Variants in ARNT observed in about 807,000 individuals in gnomAD.
ARNT encodes class E basic helix-loop-helix protein 2.
Under a neutral mutation model 105.0 loss-of-function variants are expected in ARNT, and 30 were observed. That is an observed-to-expected ratio of 0.29 (90% CI 0.21 to 0.39). ARNT has a LOEUF of 0.39. Among genes scored for constraint, ARNT ranks in the 10% least tolerant of loss-of-function variants. The pLI, the probability that ARNT is intolerant of heterozygous loss-of-function variation, is 1.00. For missense variants in ARNT, 748 were observed against 978.7 expected (o/e 0.76, Z 3.15); for synonymous variants, 304 against 344.0 (o/e 0.88, Z 1.29).
intron 6 of ARNT, among the ~76,000 whole-genome samples, chr1:150,837,306 T>C (rs1660508882): frequency 6.6e-6 from 1 of 152,182 alleles, no homozygotes; most frequent in African/African-American, 2.4e-5. Context: ...CTTTATCCTC[T>C]TACCTTTCAA....
intron 3 of ARNT, among the ~76,000 whole-genome samples, chr1:150,848,808 AGGTG>A (rs1662756512): frequency 6.6e-6 from 1 of 152,206 alleles, no homozygotes; most frequent in South Asian, 2.1e-4. Context: ...CTGGGATTAC[AGGTG>A]TAAGCCACCA....
At chr1:150,864,513 C>CA (rs1666198100) in intron 1 of ARNT, among the ~76,000 whole-genome samples, 1 of 148,514 alleles carries the variant, frequency 6.7e-6, no homozygotes, top group South Asian at 2.1e-4. Context: ...ATCGCAAGAT[C>CA]AAAAAACCAA....
chr1:150,860,611 T>G (rs952772763), intron 1 of ARNT, among the ~76,000 whole-genome samples: 3 of 151,868 alleles, frequency 2.0e-5, no homozygotes, highest in African/African-American at 7.3e-5. Flanking sequence ...ATCCCAGCAC[T>G]TTGGGAGGCC....
intron 14 of ARNT, among the ~76,000 whole-genome samples, chr1:150,821,202 C>A (rs1055673794): frequency 3.3e-5 from 5 of 152,184 alleles, no homozygotes; most frequent in Non-Finnish European, 7.3e-5. Context: ...TGGCAAGCAA[C>A]CACAGCTGCA....
intron 14 of ARNT, among the ~76,000 whole-genome samples, chr1:150,820,640 G>A (rs189076879): frequency 6.6e-6 from 1 of 152,006 alleles, no homozygotes; most frequent in East Asian, 1.9e-4. Context: ...CTGGGTGCCA[G>A]AGCGAGACCC....
At chr1:150,840,843 A>C (rs1217338972) in intron 5 of ARNT, among the ~76,000 whole-genome samples, 1 of 152,104 alleles carries the variant, frequency 6.6e-6, no homozygotes, top group Non-Finnish European at 1.5e-5. Context: ...TTAAAAGCCC[A>C]TTAAGTTTCT....
In ARNT at chr1:150,827,593, T is replaced by G. The variant is rs1571250638; in HGVS notation, c.1168-976A>C. 3.9e-5 allele frequency among the ~76,000 whole-genome samples: 6 copies of G among 152,230 alleles called. No homozygotes were observed. The South Asian group carries it at 1.2e-3, about 32-fold the overall frequency. ...TACAAAATGTTAATGGACGTTTAAA[T>G]AGTTTTCATTTTTTTGGCTATTATG... On this transcript the variant is annotated intron_variant, in intron 12 of 21. Coordinates refer to ENST00000358595, the MANE Select transcript of ARNT (RefSeq NM_001668.4).
intron 6 of ARNT, among the ~76,000 whole-genome samples, chr1:150,837,890 ATTC>A (rs1181612271): frequency 1.3e-5 from 2 of 151,934 alleles, no homozygotes; most frequent in African/African-American, 4.8e-5. Context: ...CTCTTCCAAT[ATTC>A]TTAACAGCAT....
chr1:150,871,304 T>C (rs1284008777), intron 1 of ARNT, among the ~76,000 whole-genome samples: 1 of 147,104 alleles, frequency 6.8e-6, no homozygotes, highest in East Asian at 2.0e-4. Context: ...GTTTTTTTTT[T>C]TTTTTTTTTT....
chr1:150,816,043 T>C (rs1275797572), intron 19 of ARNT, among the ~76,000 whole-genome samples: 1 of 152,134 alleles, frequency 6.6e-6, no homozygotes, highest in East Asian at 1.9e-4. Flanking sequence ...AAGTGAGCAA[T>C]TCTGATTTAA....
intron 1 of ARNT, among the ~76,000 whole-genome samples, chr1:150,874,294 C>T (rs1401853266): frequency 6.6e-6 from 1 of 152,046 alleles, no homozygotes; most frequent in African/African-American, 2.4e-5. Context: ...TCATGATATA[C>T]AAGAGCAAAG....
At position 150,852,965 on chromosome 1, in the gene ARNT, T is replaced by C; in HGVS notation, c.138-159A>G. 4 of 917,802 alleles carry C rather than the reference T, an allele frequency of 4.4e-6. No homozygotes were observed. The South Asian group carries it at 4.8e-5, about 11-fold the overall frequency. The allele number at this position is 917,802 out of a possible 1,614,324, so 56.9% of individuals were successfully genotyped here. A position where few individuals can be genotyped will look rare whatever the true frequency, so the allele number is the denominator to read the frequency against. ...ACAAAGCTACATTTCCTCTTGTTCA[T>C]AGTCCCAAACTAGGCAAAGAAGTAC... On this transcript the variant is annotated intron_variant, in intron 2 of 21. Coordinates refer to ENST00000358595, the MANE Select transcript of ARNT (RefSeq NM_001668.4).
At chr1:150,821,758 C>T (rs1657114395) in intron 14 of ARNT, among the ~76,000 whole-genome samples, 1 of 151,856 alleles carries the variant, frequency 6.6e-6, no homozygotes, top group African/African-American at 2.4e-5. Context: ...AAGTGATTCT[C>T]ATACCTTAAC....
chr1:150,875,155 G>A (rs1317911739), intron 1 of ARNT, among the ~76,000 whole-genome samples: 1 of 151,958 alleles, frequency 6.6e-6, no homozygotes, highest in Admixed American at 6.6e-5. Flanking sequence ...TTACTACAAG[G>A]TCAGGTTTGA....
intron 1 of ARNT, among the ~76,000 whole-genome samples, chr1:150,865,331 T>C (rs1189495935): frequency 6.6e-6 from 1 of 152,122 alleles, no homozygotes; most frequent in Non-Finnish European, 1.5e-5. Flanking sequence ...AGAAGAGCAA[T>C]AATTTTTTTG....
Position 150,810,722 on chromosome 1 carries a change from C to CTAT in ARNT, c.*1296_*1298dup, listed in dbSNP as rs10305753. 1,838 of 218,624 alleles carry CTAT rather than the reference C, an allele frequency of 8.4e-3. 8 individuals carry two copies. The highest frequency in any genetic ancestry group is 0.011 in the Non-Finnish European group (1,151 of 108,678). 13.5% of individuals were successfully genotyped at this position (218,624 alleles called of 1,614,324 possible). On this transcript the variant is annotated 3_prime_UTR_variant, in exon 22 of 22. Transcript: ENST00000358595. ...GTAACCTGTATCCGCATTTATATGG[C>CTAT]TATTGTTAATTACCAAGTGACCCTG...
Position 150,831,881 on chromosome 1 carries a change from C to G in ARNT, c.892G>C (p.Asp298His), listed in dbSNP as rs780804351. ...RCRNGLGSVKDGEPHFVVVHC... is the reference protein window; with the variant it reads ...RCRNGLGSVKHGEPHFVVVHC... The stretch of plus-strand genomic sequence containing the variant: ...ACCACCACGAAGTGAGGTTCCCCAT[C>G]CTTTACAGAGCCAAGTCCATTCCTA... The change falls in exon 10 of 22, where the codon GAT (aspartate) becomes CAT (histidine). Residue 298 changes from aspartate (D) to histidine (H), a missense_variant. Physicochemically the swap from Asp to His is moderately conservative, Grantham distance 81. Coordinates refer to ENST00000358595, the MANE Select transcript of ARNT (RefSeq NM_001668.4). The G allele has an allele frequency of 3.6e-5, 58 of 1,592,750 alleles. No homozygotes were observed. Among genetic ancestry groups the G allele is most frequent in the Non-Finnish European group, 4.8e-5 (56 of 1,174,124 alleles).
chr1:150,818,336 TA>T, intron 14 of ARNT: 2 of 222,904 alleles, frequency 9.0e-6, no homozygotes. Context: ...AAAGCATAGG[TA>T]AAAAAATGAA....
intron 3 of ARNT, among the ~76,000 whole-genome samples, chr1:150,848,751 T>C (rs909848546): frequency 1.5e-4 from 23 of 152,122 alleles, no homozygotes; most frequent in Non-Finnish European, 3.1e-4. Flanking sequence ...AGACTGGTCC[T>C]GAATTCCAGA....
Sources: allele counts gnomAD v4.1 joint callset (sites outside exome capture counted in the v4.1 genomes callset), GRCh38; gene constraint gnomAD v4.1.1; transcripts MANE v1.5; gene names NCBI Gene and HGNC (gene_info 2026-07-23, HGNC 2026-07-21).